LINGO2: variants seen among roughly 807,000 people sequenced by gnomAD.
LINGO2 encodes the protein leucine-rich repeat and immunoglobulin-like domain-containing nogo receptor-interacting protein 2.
In LINGO2, 14 loss-of-function variants were observed where a neutral mutation model predicts 30.6. The observed-to-expected ratio is 0.46, with a 90% CI of 0.30 to 0.72. The LOEUF is 0.72. Among genes scored for constraint, LINGO2 ranks in the 30% least tolerant of loss-of-function variants. LINGO2 has a pLI of 0.07. For synonymous variants in LINGO2, 317 were observed against 288.5 expected (o/e 1.10, Z -1.00); for missense variants, 729 against 751.7 (o/e 0.97, Z 0.35).
chr9:28,774,061 C>T, the LINGO2 span, among the ~76,000 whole-genome samples: 1 of 151,646 alleles, frequency 6.6e-6, no homozygotes, highest in African/African-American at 2.4e-5. Flanking sequence ...CACACACACA[C>T]ACACACACAC....
At chr9:28,843,293 G>C in the LINGO2 span, among the ~76,000 whole-genome samples, 1 of 151,594 alleles carries the variant, frequency 6.6e-6, no homozygotes, top group African/African-American at 2.4e-5. Flanking sequence ...AACCTAAAGA[G>C]TAAAGGCTAT....
At chr9:28,048,486 A>T (rs1824523712) in intron 4 of LINGO2, among the ~76,000 whole-genome samples, 1 of 150,940 alleles carries the variant, frequency 6.6e-6, no homozygotes, top group African/African-American at 2.4e-5. Context: ...TTAAAAAAGC[A>T]AATGGATTAA....
chr9:28,812,117 G>A, the LINGO2 span, among the ~76,000 whole-genome samples: 17 of 151,486 alleles, frequency 1.1e-4, no homozygotes, highest in Non-Finnish European at 1.6e-4. Context: ...ATCAATTAGC[G>A]TATATTTAGA....
intron 2 of LINGO2, among the ~76,000 whole-genome samples, chr9:28,379,403 T>C (rs753872700): frequency 2.6e-5 from 4 of 152,088 alleles, no homozygotes; most frequent in Non-Finnish European, 4.4e-5. Context: ...GTGGTGTGGT[T>C]CAAAGAGCAC....
At chr9:28,002,976 G>A (rs1408709703) in intron 5 of LINGO2, among the ~76,000 whole-genome samples, 1 of 152,204 alleles carries the variant, frequency 6.6e-6, no homozygotes, top group Non-Finnish European at 1.5e-5. Context: ...TCTTGAGTGT[G>A]AAGCTGCTGG....
chr9:28,422,053 A>C (rs1339738459), intron 2 of LINGO2, among the ~76,000 whole-genome samples: 1 of 151,876 alleles, frequency 6.6e-6, no homozygotes, highest in African/African-American at 2.4e-5. Context: ...AAACTATAAA[A>C]CTCTTTGAAG....
At chr9:28,709,307 A>C in the LINGO2 span, among the ~76,000 whole-genome samples, 2 of 152,044 alleles carry the variant, frequency 1.3e-5, no homozygotes, top group Non-Finnish European at 2.9e-5. Context: ...GTTTTAGTTT[A>C]GTGTGTTTTC....
chr9:28,646,605 T>A (rs904039339), intron 1 of LINGO2, among the ~76,000 whole-genome samples: 1 of 152,056 alleles, frequency 6.6e-6, no homozygotes, highest in Non-Finnish European at 1.5e-5. Context: ...CCATATGATC[T>A]GGGGAAACAC....
At chr9:28,182,526 C>T (rs1819385913) in intron 4 of LINGO2, among the ~76,000 whole-genome samples, 1 of 152,124 alleles carries the variant, frequency 6.6e-6, no homozygotes. Flanking sequence ...AGTGAACAGG[C>T]AACCTACAGA....
At chr9:28,248,311 G>A (rs534809893) in intron 4 of LINGO2, among the ~76,000 whole-genome samples, 26 of 152,172 alleles carry the variant, frequency 1.7e-4, no homozygotes, top group African/African-American at 5.5e-4. Flanking sequence ...GCAACAACAG[G>A]GATGGAACTG....
chr9:29,104,947 C>T, the LINGO2 span, among the ~76,000 whole-genome samples: 2 of 152,176 alleles, frequency 1.3e-5, 1 homozygote, highest in Admixed American at 1.3e-4. Flanking sequence ...TCTAGGTTTA[C>T]AGCCTCATTC....
chr9:28,514,935 T>TAA lies in LINGO2; in HGVS notation c.-364-38912_-364-38911dup, dbSNP rs57950564. 5.7e-4 allele frequency among the ~76,000 whole-genome samples: 85 copies of TAA among 148,280 alleles called. 1 individual carries two copies. The highest frequency in any genetic ancestry group is 2.3e-3 in the Admixed American group (34 of 14,858). ...AAATCTACTCTGCCTATGCTCTATT[T>TAA]AAAAAAAAAAAAGAAGCCTGGATAA... is the stretch of plus-strand genomic sequence containing the variant. On this transcript the variant is annotated intron_variant, in intron 1 of 5. Coordinates refer to ENST00000379992, the Ensembl canonical transcript of LINGO2.
chr9:28,530,650 G>T (rs986547612), intron 1 of LINGO2, among the ~76,000 whole-genome samples: 5 of 151,990 alleles, frequency 3.3e-5, no homozygotes, highest in Middle Eastern at 3.2e-3. Flanking sequence ...CTATGATAGG[G>T]CTTAATATTG....
At chr9:28,023,346 G>A (rs1192644161) in intron 4 of LINGO2, among the ~76,000 whole-genome samples, 1 of 152,108 alleles carries the variant, frequency 6.6e-6, no homozygotes, top group Non-Finnish European at 1.5e-5. Flanking sequence ...TGCTGTATTT[G>A]GGTACCCTAA....
At chr9:28,386,253 G>A (rs897978352) in intron 2 of LINGO2, among the ~76,000 whole-genome samples, 1 of 152,142 alleles carries the variant, frequency 6.6e-6, no homozygotes, top group Non-Finnish European at 1.5e-5. Flanking sequence ...ACACTGATGT[G>A]CACATGAGAG....
At chr9:28,959,608 T>A in the LINGO2 span, among the ~76,000 whole-genome samples, 12 of 126,264 alleles carry the variant, frequency 9.5e-5, no homozygotes, top group African/African-American at 3.5e-4. Flanking sequence ...TCTCTCTCTC[T>A]CCCTCACACA....
intron 3 of LINGO2, among the ~76,000 whole-genome samples, chr9:28,316,868 T>C (rs1352553271): frequency 6.6e-6 from 1 of 152,154 alleles, no homozygotes; most frequent in African/African-American, 2.4e-5. Flanking sequence ...TAAGCACCCT[T>C]ATCTGCTAGC....
At chr9:29,025,288 T>A in the LINGO2 span, among the ~76,000 whole-genome samples, 1 of 152,194 alleles carries the variant, frequency 6.6e-6, no homozygotes, top group African/African-American at 2.4e-5. Context: ...TTATAGCTTT[T>A]CTTTGCAAAT....
the LINGO2 span, among the ~76,000 whole-genome samples, chr9:28,837,429 T>A: frequency 6.6e-6 from 1 of 151,360 alleles, no homozygotes; most frequent in East Asian, 2.0e-4. Flanking sequence ...GTGGATCACC[T>A]GAGGTCAGGA....
Sources: allele counts gnomAD v4.1 joint callset (sites outside exome capture counted in the v4.1 genomes callset), GRCh38; gene constraint gnomAD v4.1.1; transcripts MANE v1.5; gene names NCBI Gene and HGNC (gene_info 2026-07-23, HGNC 2026-07-21).